The following ADAMTS3 variants were observed in gnomAD, a reference collection of about 807,000 sequenced individuals.
The protein encoded by ADAMTS3 is ADAM metallopeptidase with thrombospondin type 1 motif 3, also known as A disintegrin and metalloproteinase with thrombospondin motifs 3.
A neutral mutation model predicts 129.0 loss-of-function variants in ADAMTS3; 73 were observed. That is an observed-to-expected ratio of 0.57 (90% CI 0.47 to 0.69). The LOEUF (loss-of-function observed/expected upper bound fraction) is 0.69, where lower values mean the gene tolerates loss of function less well. Ranked by LOEUF, ADAMTS3 falls within the 30% of genes least tolerant of loss-of-function variation. The pLI is 0.00. For missense variants in ADAMTS3, 1,457 were observed against 1,514.5 expected, an observed-to-expected ratio of 0.96 and a Z score of 0.63; for synonymous variants, 477 against 510.8, an observed-to-expected ratio of 0.93 and a Z score of 0.89.
intron 4 of ADAMTS3, among the ~76,000 whole-genome samples, chr4:72,406,658 A>C (rs930207175): frequency 3.3e-5 from 5 of 152,328 alleles, no homozygotes; most frequent in Admixed American, 3.3e-4. Context: ...TGTACACTGC[A>C]AGTGGGCTGA....
intron 2 of ADAMTS3, among the ~76,000 whole-genome samples, chr4:72,557,157 A>G (rs978234720): frequency 6.6e-6 from 1 of 151,868 alleles, no homozygotes; most frequent in Non-Finnish European, 1.5e-5. Flanking sequence ...ATGAAATCGA[A>G]TAAGCATTTT....
chr4:72,447,972 A>T (rs1718300470), intron 3 of ADAMTS3, among the ~76,000 whole-genome samples: 1 of 151,706 alleles, frequency 6.6e-6, no homozygotes, highest in African/African-American at 2.4e-5. Context: ...CACTTTTTTT[A>T]TACTGAGTAG....
intron 4 of ADAMTS3, among the ~76,000 whole-genome samples, chr4:72,401,583 A>AAG (rs1721922182): frequency 7.0e-6 from 1 of 142,528 alleles, no homozygotes; most frequent in Non-Finnish European, 1.6e-5. Context: ...AAAAAAAAAA[A>AAG]AAAAAGAAAA....
At chr4:72,285,069 A>G (rs1227756178) in intron 21 of ADAMTS3, among the ~76,000 whole-genome samples, 1 of 152,232 alleles carries the variant, frequency 6.6e-6, no homozygotes, top group Non-Finnish European at 1.5e-5. Flanking sequence ...GGGTAATACT[A>G]TACTGCTAAG....
chr4:72,389,859 T>C (rs1426370244), intron 4 of ADAMTS3, among the ~76,000 whole-genome samples: 1 of 152,142 alleles, frequency 6.6e-6, no homozygotes, highest in African/African-American at 2.4e-5. Context: ...TGAAATTACA[T>C]AGAACTCCAA....
intron 3 of ADAMTS3, among the ~76,000 whole-genome samples, chr4:72,546,591 G>A (rs565940612): frequency 5.9e-5 from 9 of 152,074 alleles, no homozygotes; most frequent in Admixed American, 2.6e-4. Context: ...TCCCTCTGAC[G>A]ACAGTCCAGA....
intron 3 of ADAMTS3, among the ~76,000 whole-genome samples, chr4:72,509,540 C>T (rs943681211): frequency 1.3e-5 from 2 of 151,928 alleles, no homozygotes; most frequent in East Asian, 3.9e-4. Flanking sequence ...TTCCTAGATA[C>T]ATACAACCTA....
intron 5 of ADAMTS3, among the ~76,000 whole-genome samples, chr4:72,334,528 T>C (rs1234828080): frequency 6.6e-6 from 1 of 152,116 alleles, no homozygotes; most frequent in African/African-American, 2.4e-5. Context: ...GGTCAGGAAA[T>C]TAAAAATTTT....
intron 3 of ADAMTS3, among the ~76,000 whole-genome samples, chr4:72,496,055 T>G (rs1004320206): frequency 6.6e-6 from 1 of 152,208 alleles, no homozygotes; most frequent in Non-Finnish European, 1.5e-5. Flanking sequence ...CCATTTAATC[T>G]TTTGAAATGA....
At chr4:72,360,071 T>C (rs1202328842) in intron 4 of ADAMTS3, among the ~76,000 whole-genome samples, 2 of 152,108 alleles carry the variant, frequency 1.3e-5, no homozygotes, top group African/African-American at 2.4e-5. Flanking sequence ...TGGATGATGA[T>C]AGTTCTCATT....
At chr4:72,529,669 T>A (rs993564080) in intron 3 of ADAMTS3, among the ~76,000 whole-genome samples, 2 of 127,484 alleles carry the variant, frequency 1.6e-5, no homozygotes, top group South Asian at 2.2e-4. Flanking sequence ...TATAAAATAT[T>A]AAATATTATT....
chr4:72,553,768 C>T (rs1721698711), intron 2 of ADAMTS3, among the ~76,000 whole-genome samples: 2 of 152,242 alleles, frequency 1.3e-5, no homozygotes, highest in African/African-American at 4.8e-5. Context: ...AGGGGCAGCG[C>T]TGCTCTGGAT....
At chr4:72,460,641 A>G (rs561327890) in intron 3 of ADAMTS3, among the ~76,000 whole-genome samples, 2 of 151,656 alleles carry the variant, frequency 1.3e-5, no homozygotes, top group Non-Finnish European at 3.0e-5. Context: ...AAAAACTAAA[A>G]TAGGTGTCAC....
At chr4:72,560,014 GA>G (rs1172751617) in intron 2 of ADAMTS3, among the ~76,000 whole-genome samples, 1 of 151,564 alleles carries the variant, frequency 6.6e-6, no homozygotes, top group East Asian at 1.9e-4. Context: ...CAGTGGAACA[GA>G]ACAGAGAACT....
rs563566576 is a variant in ADAMTS3, at chr4:72,363,311, ATGAAACGTT to A, written c.662-23627_662-23619del. On this transcript the variant is annotated intron_variant, in intron 4 of 21. Coordinates refer to ENST00000286657, the MANE Select transcript of ADAMTS3 (RefSeq NM_014243.3). The stretch of plus-strand genomic sequence containing the variant: ...AATAAGAAGTATGAATTTGAAACGG[ATGAAACGTT>A]TGAAATATAAAGGGTATAAAGAAAA... Among the ~76,000 whole-genome samples, 15 of 152,294 alleles carry A rather than the reference ATGAAACGTT, an allele frequency of 9.8e-5. No homozygotes were observed. The East Asian group carries it at 1.9e-3, about 20-fold the overall frequency.
In ADAMTS3 at chr4:72,281,071, A is replaced by C. The variant is rs1043104163; in HGVS notation, c.*2065T>G. The C allele has an allele frequency of 3.9e-5, 6 of 152,604 alleles. No homozygotes were observed. The highest frequency in any genetic ancestry group is 1.2e-4 in the African/African-American group (5 of 41,444). 9.5% of individuals were successfully genotyped at this position (152,604 alleles called of 1,614,324 possible). On this transcript the variant is annotated 3_prime_UTR_variant, in exon 22 of 22. Coordinates refer to ENST00000286657, the MANE Select transcript of ADAMTS3 (RefSeq NM_014243.3). Reference sequence around the variant, plus strand: ...GGAATTTTTAGCTTAGTAGAAAAGAAAGCCCAAAGGTCAGAAGTATAATGA... The same window carrying C: ...GGAATTTTTAGCTTAGTAGAAAAGACAGCCCAAAGGTCAGAAGTATAATGA...
intron 3 of ADAMTS3, among the ~76,000 whole-genome samples, chr4:72,455,891 T>TAC (rs1491165622): frequency 1.7e-5 from 2 of 119,582 alleles, no homozygotes; most frequent in African/African-American, 6.3e-5. Context: ...ATATATATTT[T>TAC]ATATATAGTA....
intron 20 of ADAMTS3, among the ~76,000 whole-genome samples, chr4:72,290,332 A>T (rs921901551): frequency 1.3e-5 from 2 of 152,182 alleles, no homozygotes; most frequent in Non-Finnish European, 2.9e-5. Context: ...CAGGAAAGGT[A>T]CCACCTGGAA....
intron 2 of ADAMTS3, among the ~76,000 whole-genome samples, chr4:72,560,382 A>G (rs6844965): frequency 0.96 from 146,825 of 152,238 alleles, 71,040 homozygotes; most frequent in East Asian, 1. Context: ...TTTCTACACA[A>G]CAAAAATGTT....
Sources: allele counts gnomAD v4.1 joint callset (sites outside exome capture counted in the v4.1 genomes callset), GRCh38; gene constraint gnomAD v4.1.1; transcripts MANE v1.5; gene names NCBI Gene and HGNC (gene_info 2026-07-23, HGNC 2026-07-21).